The following PCDH15 variants were observed in gnomAD, a reference collection of about 807,000 sequenced individuals.
PCDH15 encodes protocadherin-15.
PCDH15 carries 129 observed loss-of-function variants against 178.5 expected under a neutral mutation model. The ratio of observed to expected loss-of-function variants is 0.72; its 90% CI spans 0.63 to 0.84. The LOEUF (loss-of-function observed/expected upper bound fraction) is 0.84, where lower values mean the gene tolerates loss of function less well. PCDH15 is among the 40% of genes least tolerant of loss of function. PCDH15 has a pLI of 0.00. For synonymous variants in PCDH15, 800 were observed against 732.0 expected, an observed-to-expected ratio of 1.09 and a Z score of -1.50; for missense variants, 2,230 against 2,099.9, an observed-to-expected ratio of 1.06 and a Z score of -1.21.
chr10:54,835,786 A>G (rs1297388433), intron 3 of PCDH15, among the ~76,000 whole-genome samples: 2 of 152,198 alleles, frequency 1.3e-5, no homozygotes, highest in Admixed American at 6.6e-5. Flanking sequence ...CATAGCAGGA[A>G]ATTTTGAGCT....
At chr10:55,612,275 A>T (rs1318328489) in intron 2 of PCDH15, among the ~76,000 whole-genome samples, 1 of 152,140 alleles carries the variant, frequency 6.6e-6, no homozygotes, top group Non-Finnish European at 1.5e-5. Context: ...TCTTAACATC[A>T]ATATTGTATG....
chr10:55,123,829 C>T (rs570101203), intron 2 of PCDH15, among the ~76,000 whole-genome samples: 15 of 152,230 alleles, frequency 9.9e-5, no homozygotes, highest in Admixed American at 2.0e-4. Context: ...GTTTCATCCA[C>T]GATATTATTT....
At chr10:54,982,982 G>A (rs193020625) in intron 2 of PCDH15, among the ~76,000 whole-genome samples, 45 of 152,072 alleles carry the variant, frequency 3.0e-4, no homozygotes, top group South Asian at 6.2e-4. Flanking sequence ...CCAAAATAGA[G>A]CTAACATAAT....
chr10:54,716,073 C>G (rs1481078709), intron 1 of PCDH15, among the ~76,000 whole-genome samples: 2 of 152,154 alleles, frequency 1.3e-5, no homozygotes, highest in Non-Finnish European at 2.9e-5. Flanking sequence ...GGCACATCTC[C>G]TGGTTCTCAC....
chr10:54,580,159 T>C (rs931807315), intron 2 of PCDH15, among the ~76,000 whole-genome samples: 2 of 151,886 alleles, frequency 1.3e-5, no homozygotes, highest in Non-Finnish European at 2.9e-5. Context: ...CAATAATCCA[T>C]ACAAAAGATC....
At chr10:54,801,510 T>C (rs1487476807), upstream of PCDH15, among the ~76,000 whole-genome samples, 2 of 152,214 alleles carry the variant, frequency 1.3e-5, no homozygotes. Flanking sequence ...TTCTCTGTTC[T>C]GTTTTGTGTG....
intron 20 of PCDH15, among the ~76,000 whole-genome samples, chr10:54,006,164 G>A (rs1204379015): frequency 6.6e-6 from 1 of 151,924 alleles, no homozygotes; most frequent in Non-Finnish European, 1.5e-5. Flanking sequence ...TGTTTTCTCT[G>A]GTTTGGATTT....
chr10:54,336,479 C>T (rs1030850465), intron 6 of PCDH15, among the ~76,000 whole-genome samples: 10 of 152,102 alleles, frequency 6.6e-5, no homozygotes, highest in Admixed American at 3.3e-4. Flanking sequence ...CTCGGTGCCC[C>T]GTGTCCCAGC....
intron 2 of PCDH15, among the ~76,000 whole-genome samples, chr10:55,616,272 C>T (rs551329240): frequency 7.1e-4 from 108 of 152,128 alleles, no homozygotes; most frequent in African/African-American, 2.4e-3. Flanking sequence ...AGCCTGATAC[C>T]AGGCTGTACC....
intron 2 of PCDH15, among the ~76,000 whole-genome samples, chr10:55,395,502 C>T (rs1837906002): frequency 6.6e-6 from 1 of 151,972 alleles, no homozygotes; most frequent in African/African-American, 2.4e-5. Flanking sequence ...AATAAGTCCC[C>T]TTAAGAAGAT....
chr10:54,107,172 T>G (rs1219338031), intron 15 of PCDH15, among the ~76,000 whole-genome samples: 2 of 152,220 alleles, frequency 1.3e-5, no homozygotes, highest in Admixed American at 6.5e-5. Flanking sequence ...TTCTGTTCTC[T>G]TATATACTAC....
Position 53,971,788 on chromosome 10 carries a change from A to G in PCDH15, c.2869-9896T>C, listed in dbSNP as rs866240422. 2.6e-5 allele frequency among the ~76,000 whole-genome samples: 4 copies of G among 152,232 alleles called. No homozygotes were observed. The South Asian group carries it at 6.2e-4, about 24-fold the overall frequency. On this transcript the variant is annotated intron_variant, in intron 21 of 37. Coordinates refer to ENST00000644397, the MANE Select transcript of PCDH15 (RefSeq NM_001384140.1). ...AAACCACGGCTCAAGGAAATAAAAG[A>G]GGACACAAACAAATGGAAGAACATT...
chr10:55,593,195 G>T (rs1396016627), intron 2 of PCDH15, among the ~76,000 whole-genome samples: 7 of 151,834 alleles, frequency 4.6e-5, no homozygotes, highest in African/African-American at 1.7e-4. Flanking sequence ...AAGAAAAACT[G>T]GTATGTTATT....
chr10:55,159,765 T>C (rs1839012147), intron 2 of PCDH15, among the ~76,000 whole-genome samples: 1 of 148,036 alleles, frequency 6.8e-6, no homozygotes, highest in East Asian at 1.9e-4. Context: ...TAAAGATATA[T>C]GTGTAAGTAC....
chr10:55,391,241 ACAGCTTTTTTTTTTTTTTAACCT>A lies in PCDH15; in HGVS notation c.-155-224613_-155-224591del, dbSNP rs933228664. 2.7e-5 allele frequency among the ~76,000 whole-genome samples: 4 copies of A among 149,868 alleles called. 1 individual carries two copies. Among genetic ancestry groups the A allele is most frequent in the Admixed American group, 2.7e-4 (4 of 15,082 alleles). ...CACCTTGAATTTTTATGTTACAGAG[ACAGCTTTTTTTTTTTTTTAACCT>A]CATGAACCAACCTTCTCCAGCTTCC... is the stretch of plus-strand genomic sequence containing the variant. On this transcript the variant is annotated intron_variant, in intron 2 of 5. Transcript: ENST00000613346.
Position 54,022,860 on chromosome 10 carries a change from G to T in PCDH15, c.2526+32C>A, listed in dbSNP as rs201354449. The stretch of plus-strand genomic sequence containing the variant: ...CCTAATAGCAAATCTCCTAATGTAG[G>T]ATTCATGTAATAAATGCTTTTTCCC... On this transcript the variant is annotated intron_variant, in intron 19 of 37. Coordinates refer to ENST00000644397, the MANE Select transcript of PCDH15 (RefSeq NM_001384140.1). The T allele has an allele frequency of 3.7e-6, 6 of 1,608,890 alleles. No homozygotes were observed. The East Asian group carries it at 1.1e-4, about 30-fold the overall frequency.
intron 3 of PCDH15, among the ~76,000 whole-genome samples, chr10:54,496,856 G>A (rs868162318): frequency 1.3e-5 from 2 of 151,976 alleles, no homozygotes; most frequent in South Asian, 2.1e-4. Context: ...ATCAGCTTAC[G>A]ACCACCCTTG....
chr10:54,268,015 C>G (rs1174241661), intron 8 of PCDH15, among the ~76,000 whole-genome samples: 1 of 151,830 alleles, frequency 6.6e-6, no homozygotes. Flanking sequence ...AACACATTAC[C>G]TGACTTCAAC....
chr10:55,528,277 G>A (rs887620941), intron 2 of PCDH15, among the ~76,000 whole-genome samples: 21 of 151,614 alleles, frequency 1.4e-4, no homozygotes, highest in African/African-American at 4.8e-4. Context: ...TATACAACGT[G>A]CAGGTTTGTT....
Sources: gnomAD v4.1 joint callset for allele counts (sites outside exome capture counted in the v4.1 genomes callset) on GRCh38, gnomAD v4.1.1 for gene constraint, MANE v1.5 for transcripts, NCBI Gene and HGNC (gene_info 2026-07-23, HGNC 2026-07-21) for gene names.